ADGRL3: variants seen among roughly 807,000 people sequenced by gnomAD.
ADGRL3 encodes the protein adhesion G protein-coupled receptor L3, also known as calcium-independent alpha-latrotoxin receptor 3.
ADGRL3 carries 62 observed loss-of-function variants against 153.5 expected under a neutral mutation model. The observed-to-expected ratio is 0.40, with a 90% CI of 0.33 to 0.50. ADGRL3 has a LOEUF of 0.50. Ranked by LOEUF, ADGRL3 falls within the 20% of genes least tolerant of loss-of-function variation. The probability of loss-of-function intolerance (pLI) is 0.47; values close to 1 mark genes in which losing one functional copy is unlikely to be tolerated. For synonymous variants in ADGRL3, 710 were observed against 672.5 expected, an observed-to-expected ratio of 1.06 and a Z score of -0.86; for missense variants, 1,641 against 1,859.4, an observed-to-expected ratio of 0.88 and a Z score of 2.16.
chr4:61,981,931 A>C (rs1280266301), intron 18 of ADGRL3, among the ~76,000 whole-genome samples: 2 of 152,180 alleles, frequency 1.3e-5, no homozygotes, highest in African/African-American at 4.8e-5. Flanking sequence ...TCATATACTA[A>C]TGTGACAGCT....
intron 3 of ADGRL3, among the ~76,000 whole-genome samples, chr4:61,505,937 A>G (rs1259633776): frequency 1.3e-5 from 2 of 152,110 alleles, no homozygotes; most frequent in Non-Finnish European, 2.9e-5. Context: ...GTTTTCAGGA[A>G]CTATAGAAGA....
chr4:61,604,404 A>T (rs556849028), intron 5 of ADGRL3, among the ~76,000 whole-genome samples: 1 of 152,212 alleles, frequency 6.6e-6, no homozygotes, highest in Non-Finnish European at 1.5e-5. Flanking sequence ...CTCTGGAATA[A>T]AATGCCTATA....
Position 61,647,043 on chromosome 4 carries a change from G to C in ADGRL3, c.474-29783G>C, listed in dbSNP as rs891642411. ...GGGTGGGAGTCACTCGATTTTCCAG[G>C]TGCCGTCCATCACCCCTTTCTTTGA... On this transcript the variant is annotated intron_variant, in intron 5 of 26. Transcript: ENST00000683033. Among the ~76,000 whole-genome samples the C allele has an allele frequency of 2.6e-5, 4 of 152,102 alleles. No homozygotes were observed. In the South Asian group the frequency reaches 8.3e-4, roughly 32 times the overall value.
At chr4:61,616,186 G>C (rs1245909274) in intron 5 of ADGRL3, among the ~76,000 whole-genome samples, 1 of 152,020 alleles carries the variant, frequency 6.6e-6, no homozygotes, top group Non-Finnish European at 1.5e-5. Context: ...TGATAAAAAT[G>C]GTAGTTATAT....
At chr4:61,399,665 A>G (rs2096907493) in intron 2 of ADGRL3, among the ~76,000 whole-genome samples, 1 of 151,722 alleles carries the variant, frequency 6.6e-6, no homozygotes, top group Admixed American at 6.6e-5. Flanking sequence ...TACTGCAAAG[A>G]TACCCCTTAA....
intron 8 of ADGRL3, 136 bp downstream of exon 8, chr4:61,733,690 T>A: frequency 1.5e-6 from 1 of 668,396 alleles, no homozygotes; most frequent in Non-Finnish European, 2.5e-6. Flanking sequence ...TGTCTTTGCA[T>A]CTAAAGAAGG....
intron 4 of ADGRL3, among the ~76,000 whole-genome samples, chr4:61,564,423 C>T (rs2098808498): frequency 6.6e-6 from 1 of 152,062 alleles, no homozygotes; most frequent in South Asian, 2.1e-4. Flanking sequence ...TACAGGTGCA[C>T]ACCACAATGC....
At chr4:61,363,280 T>G (rs1295394187) in intron 1 of ADGRL3, among the ~76,000 whole-genome samples, 1 of 152,166 alleles carries the variant, frequency 6.6e-6, no homozygotes, top group Non-Finnish European at 1.5e-5. Flanking sequence ...GGTGGAATTT[T>G]CAGTTGTAAT....
chr4:61,710,933 CTTAAT>C (rs1251312060), intron 6 of ADGRL3, among the ~76,000 whole-genome samples: 5 of 152,272 alleles, frequency 3.3e-5, no homozygotes, highest in Admixed American at 2.0e-4. Flanking sequence ...ACTCTACTAA[CTTAAT>C]TTAACATTCC....
intron 24 of ADGRL3, among the ~76,000 whole-genome samples, chr4:62,038,165 A>G (rs904856190): frequency 6.6e-6 from 1 of 152,192 alleles, no homozygotes; most frequent in Non-Finnish European, 1.5e-5. Context: ...AACATTTCAT[A>G]TATATAGAAA....
intron 8 of ADGRL3, among the ~76,000 whole-genome samples, chr4:61,773,924 T>G (rs1043635204): frequency 1.3e-5 from 2 of 152,146 alleles, no homozygotes; most frequent in Non-Finnish European, 2.9e-5. Context: ...TGTGGGAAGG[T>G]AAATATATGC....
chr4:61,362,116 C>T (rs970007349), intron 1 of ADGRL3, among the ~76,000 whole-genome samples: 5 of 151,142 alleles, frequency 3.3e-5, no homozygotes, highest in Non-Finnish European at 7.4e-5. Flanking sequence ...GATTTTCCCA[C>T]CTCAGCCTCC....
intron 2 of ADGRL3, among the ~76,000 whole-genome samples, chr4:61,392,312 C>T (rs1277647712): frequency 1.3e-5 from 2 of 152,002 alleles, no homozygotes; most frequent in African/African-American, 2.4e-5. Flanking sequence ...GATGGATATT[C>T]AGCTGTTTTA....
chr4:61,808,919 A>G (rs1242442674), intron 8 of ADGRL3, among the ~76,000 whole-genome samples: 1 of 151,932 alleles, frequency 6.6e-6, no homozygotes, highest in South Asian at 2.1e-4. Flanking sequence ...TTATTATTGT[A>G]GTAGAGCAGA....
chr4:61,730,338 G>A (rs900564163), intron 6 of ADGRL3, among the ~76,000 whole-genome samples: 1 of 151,776 alleles, frequency 6.6e-6, no homozygotes, highest in Non-Finnish European at 1.5e-5. Context: ...TGCATTTCCT[G>A]TGTCTGTAAT....
At chr4:61,690,593 G>A (rs2095522870) in intron 6 of ADGRL3, among the ~76,000 whole-genome samples, 1 of 152,116 alleles carries the variant, frequency 6.6e-6, no homozygotes, top group Non-Finnish European at 1.5e-5. Context: ...TTAACTCTTA[G>A]AGAACACATT....
chr4:61,215,754 G>A (rs905494339), intron 1 of ADGRL3, among the ~76,000 whole-genome samples: 1 of 151,670 alleles, frequency 6.6e-6, no homozygotes, highest in Non-Finnish European at 1.5e-5. Flanking sequence ...GGGTTTCGCC[G>A]TGTTAGCCAG....
At chr4:61,886,415 G>T (rs535277269) in intron 9 of ADGRL3, among the ~76,000 whole-genome samples, 8 of 152,118 alleles carry the variant, frequency 5.3e-5, no homozygotes, top group Admixed American at 2.0e-4. Context: ...AACACTTAAA[G>T]GGTGGGGAGA....
At chr4:61,758,230 C>T (rs1358354640) in intron 8 of ADGRL3, among the ~76,000 whole-genome samples, 1 of 152,016 alleles carries the variant, frequency 6.6e-6, no homozygotes, top group Non-Finnish European at 1.5e-5. Context: ...AGTTCAATTC[C>T]TGGATATCCC....
Sources: allele counts gnomAD v4.1 joint callset (sites outside exome capture counted in the v4.1 genomes callset), GRCh38; gene constraint gnomAD v4.1.1; transcripts MANE v1.5; gene names NCBI Gene and HGNC (gene_info 2026-07-23, HGNC 2026-07-21).